Variants in ABHD2 observed in about 807,000 individuals in gnomAD.
ABHD2 encodes the protein abhydrolase domain containing 2, acylglycerol lipase.
In ABHD2, 20 loss-of-function variants were observed where a neutral mutation model predicts 48.1. That is an observed-to-expected ratio of 0.42 (90% CI 0.29 to 0.60). The LOEUF (loss-of-function observed/expected upper bound fraction) is 0.60. Ranked by LOEUF, ABHD2 falls within the 20% of genes least tolerant of loss-of-function variation. The pLI is 0.24. For synonymous variants in ABHD2, 209 were observed against 214.2 expected (o/e 0.98, Z 0.21); for missense variants, 405 against 550.9 (o/e 0.74, Z 2.65).
chr15:89,097,452 T>A lies in ABHD2; in HGVS notation c.-107+8889T>A, dbSNP rs554735932. On this transcript the variant is annotated intron_variant, in intron 1 of 10. Coordinates refer to ENST00000352732, the MANE Select transcript of ABHD2 (RefSeq NM_152924.5). This position sits in a 1 kb window ranked among gnomAD's most constrained non-coding sequence, Gnocchi z 4.2. ...AATTGTTTAAAAATGGCATAAGTGT[T>A]TTTCTCCTTAAGCTTAATTTTTGTG... 3.5e-4 allele frequency among the ~76,000 whole-genome samples: 53 copies of A among 152,360 alleles called. No individual in the cohort carries two copies. The highest frequency in any genetic ancestry group is 3.4e-3 in the Middle Eastern group (1 of 294).
In ABHD2 at chr15:89,151,628, G is replaced by A. The variant is rs754957175; in HGVS notation, c.195-49G>A. The A allele has an allele frequency of 3.9e-6, 6 of 1,554,952 alleles. No homozygotes were observed. Among genetic ancestry groups the A allele is most frequent in the East Asian group, 2.3e-5 (1 of 44,140 alleles). ...GTTTTGCTAAAAGATTTTTCAGAAC[G>A]TTGCTCAAGGAATGTAGAGAAAATT... On this transcript the variant is annotated intron_variant, in intron 3 of 10. Coordinates refer to ENST00000352732, the MANE Select transcript of ABHD2 (RefSeq NM_152924.5). The surrounding 1 kb of genome is among the most constrained non-coding windows in gnomAD (Gnocchi z 4.7).
the ABHD2 span, among the ~76,000 whole-genome samples, chr15:89,070,968 C>T: frequency 6.6e-6 from 1 of 151,936 alleles, no homozygotes; most frequent in Admixed American, 6.6e-5. Flanking sequence ...CGTGTGCCTT[C>T]CTGAAGTGTG....
In ABHD2 at chr15:89,174,172, C is replaced by A. The variant is rs1159457203; in HGVS notation, c.539-1640C>A. Among the ~76,000 whole-genome samples, 1 of 151,940 alleles carries A rather than the reference C, an allele frequency of 6.6e-6. No homozygotes were observed. The highest frequency in any genetic ancestry group is 1.5e-5 in the Non-Finnish European group (1 of 68,000). On this transcript the variant is annotated intron_variant, in intron 5 of 10. Transcript: ENST00000352732. The surrounding 1 kb of genome is among the most constrained non-coding windows in gnomAD (Gnocchi z 4.1). Reference sequence around the variant, plus strand: ...AAAATAAAAAAGAATAGGGCAGTTTCAAGTGTATTGATGCATAATATTGCC... The same window carrying A: ...AAAATAAAAAAGAATAGGGCAGTTTAAAGTGTATTGATGCATAATATTGCC...
intron 5 of ABHD2, among the ~76,000 whole-genome samples, chr15:89,157,183 TAAC>T (rs2050688455): frequency 6.6e-6 from 1 of 152,366 alleles, no homozygotes; most frequent in East Asian, 1.9e-4. Context: ...GCATTTTAAA[TAAC>T]AATGCTGTAA....
the ABHD2 span, among the ~76,000 whole-genome samples, chr15:89,060,071 C>A: frequency 3.4e-5 from 5 of 146,408 alleles, no homozygotes; most frequent in South Asian, 4.4e-4. Flanking sequence ...CCCCTAAGAA[C>A]CACTCCAAGG....
At chr15:89,071,335 C>T in the ABHD2 span, among the ~76,000 whole-genome samples, 1 of 152,074 alleles carries the variant, frequency 6.6e-6, no homozygotes, top group Non-Finnish European at 1.5e-5. Context: ...GCAGGAGAAC[C>T]GCTTGAACCC....
the ABHD2 span, among the ~76,000 whole-genome samples, chr15:89,055,697 A>G: frequency 6.6e-6 from 1 of 152,214 alleles, no homozygotes; most frequent in South Asian, 2.1e-4. Context: ...CTGGATGTCT[A>G]CCAATATGGG....
At chr15:89,046,767 C>T in the ABHD2 span, among the ~76,000 whole-genome samples, 2 of 152,062 alleles carry the variant, frequency 1.3e-5, no homozygotes, top group African/African-American at 4.8e-5. Flanking sequence ...TTTTTTATTG[C>T]ATCTATTTGA....
the ABHD2 span, among the ~76,000 whole-genome samples, chr15:89,046,813 G>A: frequency 1.6e-4 from 25 of 151,978 alleles, no homozygotes; most frequent in East Asian, 1.2e-3. Flanking sequence ...TCTTGCTAGC[G>A]GTTTATCAAT....
intron 5 of ABHD2, among the ~76,000 whole-genome samples, chr15:89,159,450 A>G (rs886722475): frequency 2.6e-4 from 40 of 152,222 alleles, no homozygotes; most frequent in African/African-American, 8.7e-4. Context: ...CTGCAGCAGC[A>G]TGGAGAAACC....
In ABHD2 at chr15:89,176,916, A is replaced by C. The variant is rs1193174204; in HGVS notation, c.722+921A>C. Among the ~76,000 whole-genome samples the C allele has an allele frequency of 1.3e-5, 2 of 152,264 alleles. No homozygotes were observed. Among genetic ancestry groups the C allele is most frequent in the Non-Finnish European group, 1.5e-5 (1 of 67,998 alleles). On this transcript the variant is annotated intron_variant, in intron 6 of 10. Transcript: ENST00000352732. The surrounding 1 kb of genome is among the most constrained non-coding windows in gnomAD (Gnocchi z 4.5). Reference sequence around the variant, plus strand: ...TCTTTTTGCCTCACCTGTATATCTCATGCTGCAGTTTAAACATACCTTGTT... The same window carrying C: ...TCTTTTTGCCTCACCTGTATATCTCCTGCTGCAGTTTAAACATACCTTGTT...
In ABHD2 at chr15:89,116,248, T is replaced by G. The variant is rs184795918; in HGVS notation, c.-6-74T>G. ...ACTGGCAGTATCTCTTAGCCCACCATGCGTCTGTAGGGTGGTGGGCACCAC... is the reference window on the plus strand; with the variant it reads ...ACTGGCAGTATCTCTTAGCCCACCAGGCGTCTGTAGGGTGGTGGGCACCAC... On this transcript the variant is annotated intron_variant, in intron 2 of 10. Coordinates refer to ENST00000352732, the MANE Select transcript of ABHD2 (RefSeq NM_152924.5). The surrounding 1 kb of genome is among the most constrained non-coding windows in gnomAD (Gnocchi z 4.6). 7.3e-7 allele frequency: 1 copy of G among 1,370,646 alleles called. No individual in the cohort carries two copies. Among genetic ancestry groups the G allele is most frequent in the Non-Finnish European group, 1.0e-6 (1 of 993,616 alleles). The allele number at this position is 1,370,646 out of a possible 1,614,324, so 84.9% of individuals were successfully genotyped here.
At chr15:89,190,968 A>G (rs2051293355) in intron 8 of ABHD2, 112 bp from the exon 9 acceptor site, 2 of 998,792 alleles carry the variant, frequency 2.0e-6, no homozygotes, top group African/African-American at 3.2e-5. Flanking sequence ...TGTCTACTCT[A>G]CCAATGCCAC....
rs1054452568 is a variant in ABHD2 at position 89,106,181 on chromosome 15, G to C, written c.-106-7544G>C. 4 of 152,272 alleles carry C rather than the reference G, an allele frequency of 2.6e-5. No homozygotes were observed. The highest frequency in any genetic ancestry group is 9.7e-5 in the African/African-American group (4 of 41,444). The allele number at this position is 152,272 out of a possible 1,614,324, so 9.4% of individuals were successfully genotyped here. On this transcript the variant is annotated intron_variant, in intron 1 of 10. Coordinates refer to ENST00000352732, the MANE Select transcript of ABHD2 (RefSeq NM_152924.5). The surrounding 1 kb of genome is among the most constrained non-coding windows in gnomAD (Gnocchi z 4.2). ...ATGCAATAAATTAGTGGGGCATGGT[G>C]GCACCCACCTGTAATCCCAGCTACG...
At chr15:89,047,526 G>T in the ABHD2 span, among the ~76,000 whole-genome samples, 4 of 144,566 alleles carry the variant, frequency 2.8e-5, no homozygotes, top group East Asian at 7.9e-4. Flanking sequence ...TAATGTGTGG[G>T]AGTCTAAGTC....
chr15:89,081,725 C>T, the ABHD2 span, among the ~76,000 whole-genome samples: 57 of 152,148 alleles, frequency 3.7e-4, 2 homozygotes, highest in South Asian at 0.011. Flanking sequence ...GTGGCGCACG[C>T]GTGTAATCCC....
the ABHD2 span, among the ~76,000 whole-genome samples, chr15:89,078,103 C>T: frequency 6.6e-6 from 1 of 152,282 alleles, no homozygotes; most frequent in Non-Finnish European, 1.5e-5. Flanking sequence ...CTCTTTCTTG[C>T]ACCCCATATT....
intron 3 of ABHD2, among the ~76,000 whole-genome samples, chr15:89,127,484 T>G (rs1382891575): frequency 6.6e-6 from 1 of 151,912 alleles, no homozygotes; most frequent in Non-Finnish European, 1.5e-5. Flanking sequence ...AACCTGACTT[T>G]CCTGTGATAT....
rs2049573716 is a variant in ABHD2, at chr15:89,094,161, T to A, written c.-107+5598T>A. The A allele has an allele frequency of 6.6e-6, 1 of 152,046 alleles. No individual in the cohort carries two copies. The highest frequency in any genetic ancestry group is 6.6e-5 in the Admixed American group (1 of 15,266). 9.4% of individuals were successfully genotyped at this position (152,046 alleles called of 1,614,324 possible). A position where few individuals can be genotyped will look rare whatever the true frequency, so the allele number is the denominator to read the frequency against. On this transcript the variant is annotated intron_variant, in intron 1 of 10. Coordinates refer to ENST00000352732, the MANE Select transcript of ABHD2 (RefSeq NM_152924.5). This position sits in a 1 kb window ranked among gnomAD's most constrained non-coding sequence, Gnocchi z 4.7. The stretch of plus-strand genomic sequence containing the variant: ...AGGGAGGTGGTGTTATCAGTTCCAC[T>A]TTTTCCAGGCTAGAGTGCAGTGGCC...
Sources: gnomAD v4.1 joint callset for allele counts (sites outside exome capture counted in the v4.1 genomes callset) on GRCh38, gnomAD v4.1.1 for gene constraint, Gnocchi (gnomAD v3.1) non-coding constraint, MANE v1.5 for transcripts, NCBI Gene and HGNC (gene_info 2026-07-23, HGNC 2026-07-21) for gene names.